The following PIWIL3 variants were observed in gnomAD, a reference collection of about 807,000 sequenced individuals.
PIWIL3 encodes the protein piwi like RNA-mediated gene silencing 3, also known as piwi-like protein 3.
In PIWIL3, 101 loss-of-function variants were observed where a neutral mutation model predicts 109.7. The observed-to-expected ratio is 0.92, with a 90% CI of 0.78 to 1.09. PIWIL3 has a LOEUF of 1.09. Ranked by LOEUF, PIWIL3 falls within the 50% of genes least tolerant of loss-of-function variation. The pLI is 0.00. For missense variants in PIWIL3, 1,031 were observed against 1,072.6 expected (o/e 0.96, Z 0.54); for synonymous variants, 373 against 376.4 (o/e 0.99, Z 0.10).
rs746006546 is a variant in PIWIL3, at chr22:24,749,824, T to C, written c.1090-5A>G. ...TGTGACAATTTCTTTATGTTGCTGC[T>C]CAACAAACAAGAGACCAGCATGACC... is the stretch of plus-strand genomic sequence containing the variant. On this transcript the variant is annotated splice_region_variant and splice_polypyrimidine_tract_variant and intron_variant, in intron 9 of 20. Transcript: ENST00000616349. 6.2e-7 allele frequency: 1 copy of C among 1,613,236 alleles called. No homozygotes were observed. Among genetic ancestry groups the C allele is most frequent in the Admixed American group, 1.7e-5 (1 of 59,966 alleles).
chr22:24,772,916 A>T (rs1367138591), intron 1 of PIWIL3, among the ~76,000 whole-genome samples: 1 of 152,092 alleles, frequency 6.6e-6, no homozygotes, highest in African/African-American at 2.4e-5. Context: ...TCAAGCCCCC[A>T]TGTGCTAGCT....
chr22:24,723,753 C>T (rs946744705), intron 18 of PIWIL3, among the ~76,000 whole-genome samples: 2 of 152,114 alleles, frequency 1.3e-5, no homozygotes, highest in Admixed American at 6.5e-5. Context: ...CGGCTCACTG[C>T]AACCTCCCTC....
intron 19 of PIWIL3, among the ~76,000 whole-genome samples, chr22:24,721,640 CCTT>C (rs1330801346): frequency 6.6e-6 from 1 of 152,162 alleles, no homozygotes; most frequent in Non-Finnish European, 1.5e-5. Flanking sequence ...TTATGTCTAA[CCTT>C]CTCTTTAACC....
intron 19 of PIWIL3, among the ~76,000 whole-genome samples, chr22:24,720,286 T>G (rs1922596919): frequency 8.0e-6 from 1 of 124,758 alleles, no homozygotes; most frequent in African/African-American, 3.2e-5. Context: ...TTTTTTTTTT[T>G]TTTTAGACGG....
At chr22:24,737,838 G>A (rs1365276733) in intron 12 of PIWIL3, among the ~76,000 whole-genome samples, 4 of 152,132 alleles carry the variant, frequency 2.6e-5, no homozygotes, top group Non-Finnish European at 5.9e-5. Context: ...TGGTGGTGGT[G>A]GCCATGGGGT....
intron 13 of PIWIL3, among the ~76,000 whole-genome samples, chr22:24,734,603 G>A (rs1923547682): frequency 6.6e-6 from 1 of 152,122 alleles, no homozygotes; most frequent in Non-Finnish European, 1.5e-5. Context: ...AACTGTGAGG[G>A]TTAAAAATTC....
At chr22:24,744,656 C>G (rs1338478230) in intron 12 of PIWIL3, among the ~76,000 whole-genome samples, 1 of 152,142 alleles carries the variant, frequency 6.6e-6, no homozygotes, top group Non-Finnish European at 1.5e-5. Flanking sequence ...AAGAAGGTCA[C>G]TATGCAACAA....
chr22:24,770,790 G>A (rs1363275998), intron 1 of PIWIL3, among the ~76,000 whole-genome samples: 2 of 151,592 alleles, frequency 1.3e-5, no homozygotes, highest in South Asian at 2.1e-4. Context: ...AGCCAAGATC[G>A]CACCACTGCA....
intron 2 of PIWIL3, among the ~76,000 whole-genome samples, chr22:24,760,796 A>AAAAAAAAAAAAAAAAC (rs1925388258): frequency 6.7e-6 from 1 of 149,388 alleles, no homozygotes; most frequent in Admixed American, 6.7e-5. Context: ...AAAAAAAAAA[A>AAAAAAAAAAAAAAAAC]AAAAAAAGCT....
chr22:24,727,935 C>CT lies in PIWIL3; in HGVS notation c.2009+14_2009+15insA. On this transcript the variant is annotated intron_variant, in intron 16 of 20. Coordinates refer to ENST00000616349, the MANE Select transcript of PIWIL3 (RefSeq NM_001255975.1). ...GTCAGCTACTAACTAAACATGTCTA[C>CT]CAGAGCTTACTTACTTTGTTAATTC... 1.3e-6 allele frequency: 2 copies of CT among 1,591,256 alleles called. No individual in the cohort carries two copies. Among genetic ancestry groups the CT allele is most frequent in the Non-Finnish European group, 1.7e-6 (2 of 1,162,794 alleles).
Position 24,757,981 on chromosome 22 carries a change from C to T in PIWIL3, c.282G>A (p.Arg94=). 1 of 1,614,040 alleles carries T rather than the reference C, an allele frequency of 6.2e-7. No homozygotes were observed. Among genetic ancestry groups the T allele is most frequent in the South Asian group, 1.1e-5 (1 of 91,070 alleles). Residue 94 remains arginine (R), a synonymous_variant, in exon 4 of 21, where the codon AGG becomes AGA. Coordinates refer to ENST00000616349, the MANE Select transcript of PIWIL3 (RefSeq NM_001255975.1). ...CCAGGTCTTGAAAAACTCCACCAATCCTTCTCTCCTGCAAGGGCGCTGTAT... is the reference window on the plus strand; with the variant it reads ...CCAGGTCTTGAAAAACTCCACCAATTCTTCTCTCCTGCAAGGGCGCTGTAT... ...GLHTAPLQER[R]IGGVFQDLVV...
intron 12 of PIWIL3, among the ~76,000 whole-genome samples, chr22:24,741,401 G>C (rs1237791042): frequency 6.6e-6 from 1 of 152,148 alleles, no homozygotes; most frequent in Admixed American, 6.5e-5. Flanking sequence ...CTATTTGGGA[G>C]GCTGAGGTAG....
intron 1 of PIWIL3, among the ~76,000 whole-genome samples, chr22:24,763,701 T>C (rs1284121880): frequency 6.6e-6 from 1 of 152,092 alleles, no homozygotes; most frequent in African/African-American, 2.4e-5. Context: ...AGTTGAGTAC[T>C]GGGTTCTTCT....
At chr22:24,724,759 A>C in intron 18 of PIWIL3, 128 bp downstream of exon 18, 2 of 1,063,000 alleles carry the variant, frequency 1.9e-6, no homozygotes, top group Non-Finnish European at 2.7e-6. Flanking sequence ...TTTTGTAGAG[A>C]TTGGATCTCA....
intron 4 of PIWIL3, 106 bp downstream of exon 4, chr22:24,757,802 T>A: frequency 1.5e-6 from 2 of 1,328,292 alleles, no homozygotes; most frequent in Non-Finnish European, 1.0e-6. Context: ...AGCATCACTG[T>A]ACTCCAGCCT....
intron 20 of PIWIL3, 42 bp downstream of exon 20, chr22:24,719,706 C>T (rs1569093158): frequency 2.5e-6 from 4 of 1,578,668 alleles, no homozygotes; most frequent in Middle Eastern, 1.7e-4. Flanking sequence ...TTGAATAGTA[C>T]ATTTAAAAAA....
In PIWIL3 at chr22:24,739,982, T is replaced by C. The variant is rs143540880; in HGVS notation, c.1450-4090A>G. Among the ~76,000 whole-genome samples the C allele has an allele frequency of 4.7e-3, 537 of 114,008 alleles. 4 individuals carry two copies. The highest frequency in any genetic ancestry group is 0.018 in the African/African-American group (513 of 28,412). The allele number at this position is 114,008 out of a possible 152,430, so 74.8% of individuals were successfully genotyped here. ...AGGAGAATGGTGTGAACCCGGTAGGTGGAGCTTGCACTGAGCCAAGATGGT... is the reference window on the plus strand; with the variant it reads ...AGGAGAATGGTGTGAACCCGGTAGGCGGAGCTTGCACTGAGCCAAGATGGT... On this transcript the variant is annotated intron_variant, in intron 12 of 20. Coordinates refer to ENST00000616349, the MANE Select transcript of PIWIL3 (RefSeq NM_001255975.1).
At chr22:24,747,117 G>A (rs1244258067) in intron 12 of PIWIL3, among the ~76,000 whole-genome samples, 1 of 152,002 alleles carries the variant, frequency 6.6e-6, no homozygotes, top group Non-Finnish European at 1.5e-5. Flanking sequence ...CATGGTACTG[G>A]CATAAAAACA....
chr22:24,758,965 C>A (rs908305974), intron 3 of PIWIL3, among the ~76,000 whole-genome samples: 6 of 152,360 alleles, frequency 3.9e-5, no homozygotes, highest in Admixed American at 2.6e-4. Flanking sequence ...ACTGTCTCAG[C>A]TCACTGGAAC....
Sources: allele counts gnomAD v4.1 joint callset (sites outside exome capture counted in the v4.1 genomes callset), GRCh38; gene constraint gnomAD v4.1.1; transcripts MANE v1.5; gene names NCBI Gene and HGNC (gene_info 2026-07-23, HGNC 2026-07-21).